Variants in RBFOX1 observed in about 807,000 individuals in gnomAD.
RBFOX1 encodes the protein RNA binding protein fox-1 homolog 1.
A neutral mutation model predicts 57.7 loss-of-function variants in RBFOX1; 8 were observed. The observed-to-expected ratio is 0.14, with a 90% CI of 0.08 to 0.25. RBFOX1 has a LOEUF of 0.25. Ranked by LOEUF, RBFOX1 falls within the 10% of genes least tolerant of loss-of-function variation. The pLI is 1.00. For missense variants in RBFOX1, 611 were observed against 548.5 expected, an observed-to-expected ratio of 1.11 and a Z score of -1.14; for synonymous variants, 326 against 222.4, an observed-to-expected ratio of 1.47 and a Z score of -4.15.
chr16:6,714,654 C>A (rs540849792), intron 3 of RBFOX1, among the ~76,000 whole-genome samples: 2 of 152,088 alleles, frequency 1.3e-5, no homozygotes, highest in Non-Finnish European at 2.9e-5. Flanking sequence ...ACAGCCAGGT[C>A]CATGTGCACT....
At chr16:5,971,446 T>G (rs760507449) in intron 4 of RBFOX1, among the ~76,000 whole-genome samples, 1 of 152,158 alleles carries the variant, frequency 6.6e-6, no homozygotes, top group African/African-American at 2.4e-5. Flanking sequence ...GTAATTTGTT[T>G]TTGTTTTTTT....
chr16:7,036,407 C>T (rs2044438928), intron 3 of RBFOX1, among the ~76,000 whole-genome samples: 1 of 152,012 alleles, frequency 6.6e-6, no homozygotes, highest in African/African-American at 2.4e-5. Context: ...TCTTGGATCT[C>T]CCTCAAGAAA....
intron 4 of RBFOX1, among the ~76,000 whole-genome samples, chr16:7,479,794 G>A (rs1483612981): frequency 6.6e-6 from 1 of 152,164 alleles, no homozygotes; most frequent in Non-Finnish European, 1.5e-5. Flanking sequence ...TCCCCAGCAT[G>A]TCGAATTTGT....
rs530249273 is a variant in RBFOX1 at position 7,199,508 on chromosome 16, T to A, written c.27+147410T>A. Among the ~76,000 whole-genome samples, 24 of 152,334 alleles carry A rather than the reference T, an allele frequency of 1.6e-4. No homozygotes were observed. The South Asian group carries it at 5.0e-3, about 32-fold the overall frequency. ...GGAAGTTTTAACACAGCCAAACACC[T>A]GTCATTGCTGTGTATACTCATGTTC... On this transcript the variant is annotated intron_variant, in intron 4 of 15. Transcript: ENST00000550418.
At chr16:5,977,102 TC>T (rs1326854809) in intron 4 of RBFOX1, among the ~76,000 whole-genome samples, 1 of 152,130 alleles carries the variant, frequency 6.6e-6, no homozygotes, top group African/African-American at 2.4e-5. Context: ...TGGCAAGTCT[TC>T]TGGGTAATTT....
intron 1 of RBFOX1, among the ~76,000 whole-genome samples, chr16:6,034,182 A>G (rs2095330247): frequency 6.6e-6 from 1 of 151,858 alleles, no homozygotes; most frequent in Admixed American, 6.6e-5. Context: ...TAAAAATACA[A>G]AAATTAGCTG....
intron 1 of RBFOX1, among the ~76,000 whole-genome samples, chr16:6,210,361 C>CAAA (rs3064933): frequency 0.19 from 11,551 of 61,328 alleles, 1,543 homozygotes; most frequent in East Asian, 0.49. Context: ...AAAAAAACAC[C>CAAA]AAAAAAAAAA....
At chr16:6,293,011 A>T (rs1293195514) in intron 1 of RBFOX1, among the ~76,000 whole-genome samples, 3 of 152,076 alleles carry the variant, frequency 2.0e-5, no homozygotes, top group African/African-American at 7.3e-5. Context: ...TCCTGTCTTC[A>T]TATCTTTCCC....
chr16:5,931,651 G>A (rs916307702), intron 4 of RBFOX1, among the ~76,000 whole-genome samples: 1 of 152,166 alleles, frequency 6.6e-6, no homozygotes, highest in Non-Finnish European at 1.5e-5. Context: ...AAACAGGTCA[G>A]GCTGAAGGAG....
At chr16:7,025,573 A>G (rs1485882169) in intron 3 of RBFOX1, among the ~76,000 whole-genome samples, 1 of 152,118 alleles carries the variant, frequency 6.6e-6, no homozygotes, top group Non-Finnish European at 1.5e-5. Context: ...AAGATTGTGC[A>G]GTGTGCATTT....
chr16:7,080,968 C>T (rs1488632775), intron 4 of RBFOX1, among the ~76,000 whole-genome samples: 3 of 152,200 alleles, frequency 2.0e-5, no homozygotes, highest in Non-Finnish European at 2.9e-5. Flanking sequence ...TAAAGCTCTG[C>T]ATGAACTGGT....
At chr16:7,448,369 C>G (rs943422331) in intron 4 of RBFOX1, among the ~76,000 whole-genome samples, 1 of 152,170 alleles carries the variant, frequency 6.6e-6, no homozygotes. Context: ...AGTGGCCTCA[C>G]AGTTCCACAT....
At chr16:5,444,620 G>C (rs761566113) in intron 1 of RBFOX1, among the ~76,000 whole-genome samples, 2 of 152,162 alleles carry the variant, frequency 1.3e-5, no homozygotes, top group African/African-American at 4.8e-5. Context: ...CTCATGGCCA[G>C]ATGTCTCTGG....
At chr16:5,492,710 G>A (rs928448697) in intron 2 of RBFOX1, among the ~76,000 whole-genome samples, 1 of 152,198 alleles carries the variant, frequency 6.6e-6, no homozygotes, top group Non-Finnish European at 1.5e-5. Flanking sequence ...TCAGACTCAG[G>A]TGCAAGATCC....
chr16:6,802,067 G>T (rs990172611), intron 3 of RBFOX1, among the ~76,000 whole-genome samples: 1 of 151,970 alleles, frequency 6.6e-6, no homozygotes, highest in Non-Finnish European at 1.5e-5. Context: ...AGTTTCTTCA[G>T]ATCCCAGTAA....
chr16:7,511,702 G>A (rs577812051), intron 4 of RBFOX1, among the ~76,000 whole-genome samples: 6 of 152,158 alleles, frequency 3.9e-5, no homozygotes, highest in South Asian at 2.1e-4. Flanking sequence ...AAAGCTACAC[G>A]TTGGGGTGTC....
At chr16:7,198,937 T>G (rs781479723) in intron 4 of RBFOX1, among the ~76,000 whole-genome samples, 7 of 152,166 alleles carry the variant, frequency 4.6e-5, no homozygotes, top group Non-Finnish European at 8.8e-5. Context: ...GTATGAACCA[T>G]GCTTGCAGGA....
intron 4 of RBFOX1, among the ~76,000 whole-genome samples, chr16:7,145,193 T>G (rs990641723): frequency 5.8e-5 from 4 of 69,180 alleles, no homozygotes; most frequent in Admixed American, 5.3e-4. Context: ...CTTTTTTGTT[T>G]CGTTTTGTTT....
intron 3 of RBFOX1, among the ~76,000 whole-genome samples, chr16:6,974,433 C>T (rs564131348): frequency 1.4e-5 from 2 of 145,636 alleles, no homozygotes; most frequent in East Asian, 2.0e-4. Flanking sequence ...CAACTTTCGC[C>T]TCCCAGGTTC....
Sources: gnomAD v4.1 joint callset for allele counts (sites outside exome capture counted in the v4.1 genomes callset) on GRCh38, gnomAD v4.1.1 for gene constraint, MANE v1.5 for transcripts, NCBI Gene and HGNC (gene_info 2026-07-23, HGNC 2026-07-21) for gene names.